Variants in PIGF observed in about 807,000 individuals in gnomAD.
PIGF encodes the protein phosphatidylinositol glycan anchor biosynthesis class F, also known as GPI ethanolamine phosphate transferase, stabilizing subunit.
Under a neutral mutation model 26.0 loss-of-function variants are expected in PIGF, and 23 were observed. That is an observed-to-expected ratio of 0.88 (90% confidence interval 0.64 to 1.25). The LOEUF (loss-of-function observed/expected upper bound fraction) is 1.25. PIGF is among the 50% of genes most tolerant of loss of function. PIGF has a pLI of 0.00. For missense variants in PIGF, 278 were observed against 249.9 expected, an observed-to-expected ratio of 1.11 and a Z score of -0.76; for synonymous variants, 93 against 92.6, an observed-to-expected ratio of 1.00 and a Z score of -0.03.
At chr2:46,594,167 A>T (rs1669809614) in intron 4 of PIGF, among the ~76,000 whole-genome samples, 1 of 152,212 alleles carries the variant, frequency 6.6e-6, no homozygotes, top group African/African-American at 2.4e-5. Context: ...TGTAAAGGGA[A>T]TTGTACTATT....
intron 5 of PIGF, among the ~76,000 whole-genome samples, chr2:46,590,233 T>G (rs1669686741): frequency 6.6e-6 from 1 of 152,128 alleles, no homozygotes; most frequent in African/African-American, 2.4e-5. Context: ...AACTTTACAT[T>G]AATTTAAAAA....
At chr2:46,591,479 AAAAG>A in intron 5 of PIGF, 1 of 783,726 alleles carries the variant, frequency 1.3e-6, no homozygotes, top group Non-Finnish European at 1.5e-6. Flanking sequence ...TCATGTTGGA[AAAAG>A]AAAGCACATT....
rs1669668820 is a variant in PIGF at position 46,589,556 on chromosome 2, T to TATTTATA, written c.546+2918_546+2919insTATAAAT. Among the ~76,000 whole-genome samples the TATTTATA allele has an allele frequency of 6.6e-6, 1 of 151,928 alleles. No homozygotes were observed. The highest frequency in any genetic ancestry group is 2.4e-5 in the African/African-American group (1 of 41,400). ...CAATTGCTTAACCAGATATTCCTGT[T>TATTTATA]TCTCTGACTGGAATATAAATAAAAC... On this transcript the variant is annotated intron_variant, in intron 5 of 5. Coordinates refer to ENST00000281382, the MANE Select transcript of PIGF (RefSeq NM_002643.4). This position sits in a 1 kb window ranked among gnomAD's most constrained non-coding sequence, Gnocchi z 4.7.
At chr2:46,597,350 G>T (rs951057745) in intron 4 of PIGF, among the ~76,000 whole-genome samples, 1 of 152,130 alleles carries the variant, frequency 6.6e-6, no homozygotes, top group South Asian at 2.1e-4. Flanking sequence ...GATGTTTTAA[G>T]TCTGAAAATG....
At chr2:46,613,640 T>A (rs1670498810) in intron 3 of PIGF, 54 bp downstream of exon 3, 4 of 1,325,052 alleles carry the variant, frequency 3.0e-6, no homozygotes, top group Non-Finnish European at 4.1e-6. Flanking sequence ...TAGCACACAG[T>A]TTGGTAAATG....
intron 4 of PIGF, among the ~76,000 whole-genome samples, chr2:46,610,812 G>T (rs779833283): frequency 6.6e-6 from 1 of 152,116 alleles, no homozygotes; most frequent in African/African-American, 2.4e-5. Context: ...TTACAGGCGT[G>T]AGCCACCACA....
At chr2:46,594,039 C>G (rs940368791) in intron 4 of PIGF, among the ~76,000 whole-genome samples, 19 of 152,110 alleles carry the variant, frequency 1.2e-4, no homozygotes, top group Non-Finnish European at 4.4e-5. Context: ...ATTTGTAGGG[C>G]TTTATTATTC....
At chr2:46,616,052 CG>C (rs1354114735) in intron 1 of PIGF, 1 of 43,364 alleles carries the variant, frequency 2.3e-5, no homozygotes, top group African/African-American at 2.2e-4. Context: ...CACGCACACG[CG>C]CGCGCGCGCG....
At chr2:46,607,004 A>G (rs886239596) in intron 4 of PIGF, among the ~76,000 whole-genome samples, 5 of 152,248 alleles carry the variant, frequency 3.3e-5, no homozygotes, top group Non-Finnish European at 7.3e-5. Flanking sequence ...AGGCAGTCAC[A>G]AAAGATCACA....
intron 4 of PIGF, among the ~76,000 whole-genome samples, chr2:46,601,707 T>C (rs1670061166): frequency 6.6e-6 from 1 of 152,066 alleles, no homozygotes; most frequent in South Asian, 2.1e-4. Flanking sequence ...CTTTGGTCAC[T>C]CACTATATTT....
rs564774915 is a variant in PIGF at position 46,590,423 on chromosome 2, CCT to C, written c.546+2050_546+2051del. 6.6e-5 allele frequency among the ~76,000 whole-genome samples: 10 copies of C among 152,094 alleles called. 1 individual carries two copies. In the South Asian group the frequency reaches 2.1e-3, roughly 32 times the overall value. ...ATTTTATAAAGCACATATATTCATT[CCT>C]CTTAGTTCAGTTTCTACTACTGCAC... On this transcript the variant is annotated intron_variant, in intron 5 of 5. Coordinates refer to ENST00000281382, the MANE Select transcript of PIGF (RefSeq NM_002643.4).
intron 5 of PIGF, chr2:46,591,893 C>A (rs568171359): frequency 4.5e-4 from 584 of 1,303,824 alleles, no homozygotes; most frequent in South Asian, 8.9e-4. Flanking sequence ...ATAACACAGG[C>A]CGCTGCTGCA....
In PIGF at chr2:46,581,589, T is replaced by C. The variant is rs1160838600; in HGVS notation, c.549A>G (p.Val183=). 21 of 1,610,992 alleles carry C rather than the reference T, an allele frequency of 1.3e-5. No homozygotes were observed. The highest frequency in any genetic ancestry group is 1.4e-5 in the Non-Finnish European group (17 of 1,179,286). The change falls in exon 6 of 6, where the codon GTA becomes GTG. Residue 183 remains valine, a splice_region_variant and synonymous_variant. Transcript: ENST00000281382. ...CTCCAAGCGTACAGGAGATGGGCCA[T>C]ACCTGAGGAGAGAATGTATGAGATC... ...IPLDWERPWQ[V]WPISCTLGAT...
rs149549786 is a variant in PIGF, at chr2:46,610,467, G to C, written c.437+1761C>G. Among the ~76,000 whole-genome samples, 400 of 147,768 alleles carry C rather than the reference G, an allele frequency of 2.7e-3. 3 individuals carry two copies. Among genetic ancestry groups the C allele is most frequent in the African/African-American group, 9.4e-3 (375 of 39,906 alleles). ...AAATGCTTTCAGTTGTTACACTTCT[G>C]TTTTCTAGAGACTTTATGAATATTA... On this transcript the variant is annotated intron_variant, in intron 4 of 5. Transcript: ENST00000281382.
intron 5 of PIGF, among the ~76,000 whole-genome samples, chr2:46,590,711 T>C (rs974738210): frequency 2.0e-5 from 3 of 152,214 alleles, no homozygotes; most frequent in East Asian, 1.9e-4. Context: ...TGACACTCTG[T>C]TGAATGACAT....
chr2:46,615,924 G>A (rs1006611024), intron 1 of PIGF: 1 of 152,128 alleles, frequency 6.6e-6, no homozygotes, highest in African/African-American at 2.4e-5. Context: ...CCTGAGAGCT[G>A]ACTAATTGTA....
At chr2:46,614,174 T>G (rs1670530542) in intron 2 of PIGF, 1 of 153,624 alleles carries the variant, frequency 6.5e-6, no homozygotes, top group Admixed American at 6.5e-5. Context: ...AATAACAATT[T>G]TTTTCATTTT....
chr2:46,598,830 C>T (rs974115323), intron 4 of PIGF, among the ~76,000 whole-genome samples: 12 of 152,118 alleles, frequency 7.9e-5, no homozygotes, highest in Non-Finnish European at 1.3e-4. Context: ...CTATGGTATA[C>T]AGTTATATCT....
chr2:46,591,455 G>T (rs568231377), intron 5 of PIGF: 10 of 645,464 alleles, frequency 1.5e-5, no homozygotes, highest in Non-Finnish European at 1.9e-5. Context: ...TTCGTGATCA[G>T]AAAAAAATTA....
Sources: allele counts gnomAD v4.1 joint callset (sites outside exome capture counted in the v4.1 genomes callset), GRCh38; gene constraint gnomAD v4.1.1; non-coding constraint Gnocchi (gnomAD v3.1); transcripts MANE v1.5; gene names NCBI Gene and HGNC (gene_info 2026-07-23, HGNC 2026-07-21).